Variants in LRRC4C observed in about 807,000 individuals in gnomAD.
LRRC4C encodes the protein leucine rich repeat containing 4C, also known as leucine-rich repeat-containing protein 4C.
Under a neutral mutation model 33.6 loss-of-function variants are expected in LRRC4C, and 5 were observed. The ratio of observed to expected loss-of-function variants is 0.15; its 90% CI spans 0.08 to 0.31. The LOEUF (loss-of-function observed/expected upper bound fraction) is 0.31. Ranked by LOEUF, LRRC4C falls within the 10% of genes least tolerant of loss-of-function variation. The pLI is 1.00. For synonymous variants in LRRC4C, 329 were observed against 302.0 expected (o/e 1.09, Z -0.93); for missense variants, 560 against 796.7 (o/e 0.70, Z 3.58).
At chr11:40,909,310 T>G (rs1372477838) in intron 2 of LRRC4C, among the ~76,000 whole-genome samples, 2 of 152,148 alleles carry the variant, frequency 1.3e-5, no homozygotes, top group Admixed American at 1.3e-4. Flanking sequence ...TTGCTTTGAC[T>G]AAATTTGCCC....
At chr11:40,526,750 A>C (rs1359463325) in intron 3 of LRRC4C, among the ~76,000 whole-genome samples, 1 of 152,318 alleles carries the variant, frequency 6.6e-6, no homozygotes, top group South Asian at 2.1e-4. Context: ...ATGCTCATAG[A>C]GTTATTTGTA....
intron 3 of LRRC4C, among the ~76,000 whole-genome samples, chr11:40,601,930 C>T (rs1000332646): frequency 6.6e-5 from 10 of 152,118 alleles, no homozygotes; most frequent in Admixed American, 2.0e-4. Context: ...GTGGCTCATG[C>T]GTGTAATCCC....
chr11:41,296,384 G>A (rs764986157), intron 1 of LRRC4C, among the ~76,000 whole-genome samples: 1 of 151,176 alleles, frequency 6.6e-6, no homozygotes, highest in African/African-American at 2.4e-5. Flanking sequence ...GTGTGATCTC[G>A]GCTCAGTGCA....
intron 3 of LRRC4C, among the ~76,000 whole-genome samples, chr11:40,466,981 G>A (rs1045097095): frequency 6.6e-6 from 1 of 152,002 alleles, no homozygotes; most frequent in African/African-American, 2.4e-5. Context: ...GTTTGATGAA[G>A]CATGCATGTT....
intron 1 of LRRC4C, among the ~76,000 whole-genome samples, chr11:41,420,022 T>C (rs984799602): frequency 6.6e-6 from 1 of 151,818 alleles, no homozygotes; most frequent in Non-Finnish European, 1.5e-5. Context: ...AGGCCTTCGA[T>C]GCGGTGGGAG....
At chr11:40,220,504 CCT>C (rs1864325898) in intron 5 of LRRC4C, among the ~76,000 whole-genome samples, 1 of 152,040 alleles carries the variant, frequency 6.6e-6, no homozygotes, top group Non-Finnish European at 1.5e-5. Flanking sequence ...TGATCCCTGC[CCT>C]CTCTGATTGA....
At chr11:41,426,835 G>C (rs1156640969) in intron 1 of LRRC4C, among the ~76,000 whole-genome samples, 1 of 152,156 alleles carries the variant, frequency 6.6e-6, no homozygotes, top group Non-Finnish European at 1.5e-5. Context: ...AGCATAGCTT[G>C]TTGACTTCCC....
intron 1 of LRRC4C, among the ~76,000 whole-genome samples, chr11:41,334,636 A>T (rs1253798831): frequency 6.6e-6 from 1 of 152,108 alleles, no homozygotes; most frequent in Non-Finnish European, 1.5e-5. Flanking sequence ...ATTTGAAAAC[A>T]GTCCGGGTAA....
intron 1 of LRRC4C, among the ~76,000 whole-genome samples, chr11:41,209,679 T>C (rs952712462): frequency 3.0e-4 from 46 of 151,900 alleles, no homozygotes; most frequent in Non-Finnish European, 5.4e-4. Flanking sequence ...AAAAAAGACT[T>C]TGGATTTGGA....
chr11:40,498,300 A>T (rs1954575136), intron 3 of LRRC4C, among the ~76,000 whole-genome samples: 1 of 152,190 alleles, frequency 6.6e-6, no homozygotes, highest in African/African-American at 2.4e-5. Context: ...TGAAGGAATT[A>T]TAAGGTACCT....
chr11:41,279,381 A>ACACAC (rs1949585573), intron 1 of LRRC4C, among the ~76,000 whole-genome samples: 2 of 126,384 alleles, frequency 1.6e-5, no homozygotes, highest in Non-Finnish European at 1.6e-5. Flanking sequence ...CACACACACA[A>ACACAC]ACACACACAC....
chr11:40,437,619 C>T (rs1325819209), intron 3 of LRRC4C, among the ~76,000 whole-genome samples: 2 of 152,044 alleles, frequency 1.3e-5, no homozygotes, highest in African/African-American at 4.8e-5. Context: ...GTCTTGAACT[C>T]CTGACCTCTG....
chr11:41,398,057 T>C (rs1953886792), intron 1 of LRRC4C, among the ~76,000 whole-genome samples: 1 of 151,960 alleles, frequency 6.6e-6, no homozygotes, highest in South Asian at 2.1e-4. Context: ...GATGCACTTG[T>C]GACACTTGGA....
At chr11:40,810,697 C>T (rs529845644) in intron 2 of LRRC4C, among the ~76,000 whole-genome samples, 67 of 152,098 alleles carry the variant, frequency 4.4e-4, no homozygotes, top group Admixed American at 1.0e-3. Flanking sequence ...AAATACTTAA[C>T]GGTTAAATCT....
At chr11:41,318,266 CTT>C (rs1329077633) in intron 1 of LRRC4C, among the ~76,000 whole-genome samples, 3 of 151,196 alleles carry the variant, frequency 2.0e-5, no homozygotes, top group South Asian at 2.1e-4. Flanking sequence ...ATTTTCTTCT[CTT>C]GGCTAATTTC....
At chr11:41,208,109 A>G (rs1222228548) in intron 1 of LRRC4C, among the ~76,000 whole-genome samples, 1 of 152,176 alleles carries the variant, frequency 6.6e-6, no homozygotes, top group Non-Finnish European at 1.5e-5. Flanking sequence ...AGAAATATGA[A>G]CATTAAAGGT....
chr11:41,362,793 T>C (rs927959899), intron 1 of LRRC4C, among the ~76,000 whole-genome samples: 2 of 151,130 alleles, frequency 1.3e-5, no homozygotes, highest in African/African-American at 4.9e-5. Flanking sequence ...TCCTAAACTT[T>C]CTTTTTTTTG....
chr11:40,887,287 C>A lies in LRRC4C; in HGVS notation c.-407+46348G>T, dbSNP rs1279351155. ...TATAGACAATGATCATCAGTGGATT[C>A]TAGAACCATTAGGAAATATGGAAAT... On this transcript the variant is annotated intron_variant, in intron 2 of 6. Coordinates refer to ENST00000528697, the MANE Select transcript of LRRC4C (RefSeq NM_001258419.2). Among the ~76,000 whole-genome samples, 5 of 151,852 alleles carry A rather than the reference C, an allele frequency of 3.3e-5. 1 individual carries two copies. In the East Asian group the frequency reaches 9.6e-4, roughly 29 times the overall value.
intron 1 of LRRC4C, among the ~76,000 whole-genome samples, chr11:41,453,116 A>AC (rs1167428916): frequency 2.6e-5 from 4 of 152,132 alleles, no homozygotes; most frequent in Admixed American, 2.0e-4. Context: ...GGGACATGCT[A>AC]CCCATAAAGT....
Sources: gnomAD v4.1 joint callset for allele counts (sites outside exome capture counted in the v4.1 genomes callset) on GRCh38, gnomAD v4.1.1 for gene constraint, MANE v1.5 for transcripts, NCBI Gene and HGNC (gene_info 2026-07-23, HGNC 2026-07-21) for gene names.